The following EBF4 variants were observed in gnomAD, a reference collection of about 807,000 sequenced individuals.
EBF4 encodes transcription factor COE4.
EBF4 carries 34 observed loss-of-function variants against 67.1 expected under a neutral mutation model. That is an observed-to-expected ratio of 0.51 (90% CI 0.39 to 0.67). The LOEUF is 0.67. EBF4 is among the 30% of genes least tolerant of loss of function. The probability of loss-of-function intolerance (pLI) is 0.00; values close to 1 mark genes in which losing one functional copy is unlikely to be tolerated. For synonymous variants in EBF4, 387 were observed against 377.7 expected (o/e 1.02, Z -0.29); for missense variants, 837 against 873.3 (o/e 0.96, Z 0.52).
intron 6 of EBF4, among the ~76,000 whole-genome samples, chr20:2,709,913 G>T (rs1406490147): frequency 6.6e-6 from 1 of 152,028 alleles, no homozygotes; most frequent in Admixed American, 6.6e-5. Context: ...GGTTGAGAGG[G>T]GGGTGGGAAG....
rs933755323 is a variant in EBF4 at position 2,756,284 on chromosome 20, T to C, written c.1738+460T>C. ...GACCTTAGAAGAGGCTTAGCCCAGCTTCCCTCCCCGCATTTTACAGATTAG... is the reference window on the plus strand; with the variant it reads ...GACCTTAGAAGAGGCTTAGCCCAGCCTCCCTCCCCGCATTTTACAGATTAG... On this transcript the variant is annotated intron_variant, in intron 15 of 16. Transcript: ENST00000609451. The surrounding 1 kb of genome is among the most constrained non-coding windows in gnomAD (Gnocchi z 4.5). Among the ~76,000 whole-genome samples the C allele has an allele frequency of 3.3e-5, 5 of 152,184 alleles. No individual in the cohort carries two copies. The highest frequency in any genetic ancestry group is 1.2e-4 in the African/African-American group (5 of 41,458).
chr20:2,737,102 T>C (rs1411495805), intron 6 of EBF4, among the ~76,000 whole-genome samples: 1 of 150,648 alleles, frequency 6.6e-6, no homozygotes, highest in Non-Finnish European at 1.5e-5. Context: ...ACCAAAAAAT[T>C]AGCCGGGCGT....
intron 6 of EBF4, among the ~76,000 whole-genome samples, chr20:2,727,734 C>G (rs1005680638): frequency 6.6e-6 from 1 of 152,196 alleles, no homozygotes. Context: ...CAACACTTAT[C>G]ATCTTTTTTA....
At chr20:2,712,217 T>C (rs984939230) in intron 6 of EBF4, among the ~76,000 whole-genome samples, 1 of 152,162 alleles carries the variant, frequency 6.6e-6, no homozygotes, top group Non-Finnish European at 1.5e-5. Flanking sequence ...GCAAGATCAC[T>C]CTAGCTGCCA....
At chr20:2,759,740 C>A (rs929001277), downstream of EBF4, 10 of 152,386 alleles carry the variant, frequency 6.6e-5, no homozygotes, top group African/African-American at 2.4e-4. Flanking sequence ...GGGTGGCGCC[C>A]CGCAGCCTCG....
intron 1 of EBF4, among the ~76,000 whole-genome samples, chr20:2,697,341 C>G (rs995834838): frequency 4.6e-5 from 7 of 151,698 alleles, no homozygotes; most frequent in African/African-American, 7.3e-5. Flanking sequence ...GTCAGGAGAT[C>G]GAGACCATCC....
intron 6 of EBF4, among the ~76,000 whole-genome samples, chr20:2,730,330 C>T (rs2087797189): frequency 6.6e-6 from 1 of 152,158 alleles, no homozygotes; most frequent in South Asian, 2.1e-4. Flanking sequence ...CGGCATCACT[C>T]CAATCCCTGC....
At position 2,745,644 on chromosome 20, in the gene EBF4, G is replaced by A. The variant is rs1307234212; in HGVS notation, c.558-2905G>A. ...AAGACCTGCTGAGCAAAGGCTTGGG[G>A]AAGGGCCAGTGAGGGAGCAGGAAAC... On this transcript the variant is annotated intron_variant, in intron 6 of 16. Transcript: ENST00000609451. The surrounding 1 kb of genome is among the most constrained non-coding windows in gnomAD (Gnocchi z 5.2). Among the ~76,000 whole-genome samples, 2 of 152,358 alleles carry A rather than the reference G, an allele frequency of 1.3e-5. No individual in the cohort carries two copies. The highest frequency in any genetic ancestry group is 2.1e-4 in the South Asian group (1 of 4,830).
intron 6 of EBF4, among the ~76,000 whole-genome samples, chr20:2,720,822 GT>G (rs2087670095): frequency 1.3e-5 from 2 of 152,166 alleles, no homozygotes; most frequent in South Asian, 4.1e-4. Context: ...TTCTTGTATT[GT>G]TTGTGAAAGC....
rs1166357963 is a variant in EBF4, at chr20:2,752,345, T to G, written c.1352-12T>G. The G allele has an allele frequency of 3.3e-6, 4 of 1,200,916 alleles. No homozygotes were observed. Among genetic ancestry groups the G allele is most frequent in the South Asian group, 7.9e-5 (2 of 25,440 alleles). 74.4% of individuals were successfully genotyped at this position (1,200,916 alleles called of 1,614,324 possible). A position where few individuals can be genotyped will look rare whatever the true frequency, so the allele number is the denominator to read the frequency against. On this transcript the variant is annotated splice_polypyrimidine_tract_variant and intron_variant, in intron 13 of 16. Coordinates refer to ENST00000609451, the Ensembl canonical transcript of EBF4. ...CGGCACCGCCCCCTGACGGCCGCGC[T>G]CTCTCTCGCAGGCTACGCGCGCAGC...
intron 6 of EBF4, among the ~76,000 whole-genome samples, chr20:2,746,877 C>T (rs1161096908): frequency 6.6e-6 from 1 of 152,188 alleles, no homozygotes; most frequent in Non-Finnish European, 1.5e-5. Flanking sequence ...GGCTGTTCCA[C>T]ATATCAGGAC....
At chr20:2,698,570 G>T (rs2087329666) in intron 1 of EBF4, among the ~76,000 whole-genome samples, 1 of 152,164 alleles carries the variant, frequency 6.6e-6, no homozygotes, top group Non-Finnish European at 1.5e-5. Context: ...GAGGAAGGGG[G>T]GATGTAGAGG....
chr20:2,723,774 C>A (rs2087715387), intron 6 of EBF4, among the ~76,000 whole-genome samples: 2 of 152,188 alleles, frequency 1.3e-5, no homozygotes, highest in Admixed American at 6.5e-5. Context: ...GTATAGGTGA[C>A]AAATAAAAAT....
At chr20:2,705,548 G>T (rs1327604418) in intron 1 of EBF4, 29 bp from the exon 2 acceptor site, 1 of 1,551,600 alleles carries the variant, frequency 6.4e-7, no homozygotes, top group Admixed American at 2.0e-5. Context: ...GGGCCTTCCA[G>T]TGGTTTTCCA....
chr20:2,728,540 G>A (rs1359210701), intron 6 of EBF4, among the ~76,000 whole-genome samples: 1 of 152,100 alleles, frequency 6.6e-6, no homozygotes, highest in Admixed American at 6.6e-5. Flanking sequence ...GGGGTTGAAG[G>A]GACAAGGTGT....
chr20:2,744,478 T>TC (rs1159964937), intron 6 of EBF4, among the ~76,000 whole-genome samples: 3 of 129,552 alleles, frequency 2.3e-5, no homozygotes, highest in Admixed American at 8.5e-5. Context: ...TTTTCTTTTT[T>TC]CTTTTTTTCT....
At chr20:2,752,163 C>A (rs1211124457) in exon 13 of EBF4, 5 of 1,446,008 alleles carry the variant, frequency 3.5e-6, no homozygotes, top group Non-Finnish European at 4.5e-6. Flanking sequence ...CGCTCGCACC[C>A]CTGGCCCCGA....
At chr20:2,726,071 A>ATT (rs143700993) in intron 6 of EBF4, among the ~76,000 whole-genome samples, 2,508 of 151,164 alleles carry the variant, frequency 0.017, 49 homozygotes, top group Middle Eastern at 0.066. Context: ...CTCTACATGT[A>ATT]TTTTTTTTTC....
chr20:2,706,254 T>G (rs1311880529), exon 4 of EBF4: 2 of 1,552,000 alleles, frequency 1.3e-6, no homozygotes, highest in Non-Finnish European at 1.7e-6. Context: ...ATCGACTCCA[T>G]GTCCAAACAG....
Sources: allele counts gnomAD v4.1 joint callset (sites outside exome capture counted in the v4.1 genomes callset), GRCh38; gene constraint gnomAD v4.1.1; non-coding constraint Gnocchi (gnomAD v3.1); transcripts MANE v1.5; gene names NCBI Gene and HGNC (gene_info 2026-07-23, HGNC 2026-07-21).